ANKS1B: variants seen among roughly 807,000 people sequenced by gnomAD.
ANKS1B encodes the protein ankyrin repeat and sterile alpha motif domain containing 1B, also known as ankyrin repeat and sterile alpha motif domain-containing protein 1B.
In ANKS1B, 36 loss-of-function variants were observed where a neutral mutation model predicts 148.3. The observed-to-expected ratio is 0.24, with a 90% CI of 0.19 to 0.32. The LOEUF is 0.32. Among genes scored for constraint, ANKS1B ranks in the 10% least tolerant of loss-of-function variants. The pLI, the probability that ANKS1B is intolerant of heterozygous loss-of-function variation, is 1.00. For synonymous variants in ANKS1B, 542 were observed against 560.8 expected (o/e 0.97, Z 0.47); for missense variants, 1,157 against 1,542.6 (o/e 0.75, Z 4.19).
intron 16 of ANKS1B, among the ~76,000 whole-genome samples, chr12:99,069,491 A>G (rs1034195236): frequency 6.6e-6 from 1 of 152,230 alleles, no homozygotes; most frequent in South Asian, 2.1e-4. Flanking sequence ...CCAAGTAAAG[A>G]AGGGGTTGAG....
At chr12:99,346,265 A>C (rs2090657896) in intron 12 of ANKS1B, among the ~76,000 whole-genome samples, 1 of 151,406 alleles carries the variant, frequency 6.6e-6, no homozygotes, top group South Asian at 2.1e-4. Flanking sequence ...TTTCTTATGT[A>C]TTTTCTTGAT....
intron 12 of ANKS1B, among the ~76,000 whole-genome samples, chr12:99,375,698 A>G (rs1214471906): frequency 6.6e-6 from 1 of 152,186 alleles, no homozygotes; most frequent in Admixed American, 6.5e-5. Flanking sequence ...CCTAAATACA[A>G]TAATTTCTAA....
intron 9 of ANKS1B, 122 bp from the exon 10 acceptor site, chr12:99,504,763 T>G: frequency 1.5e-6 from 1 of 687,312 alleles, no homozygotes; most frequent in Middle Eastern, 4.2e-4. Context: ...AGCTGATGAT[T>G]CATCTGTTTG....
intron 9 of ANKS1B, among the ~76,000 whole-genome samples, chr12:99,609,812 A>G (rs572063173): frequency 1.3e-5 from 2 of 152,234 alleles, no homozygotes; most frequent in Non-Finnish European, 2.9e-5. Context: ...TCACAATCCA[A>G]ACAAATGATT....
chr12:98,740,113 A>G (rs1565915192), downstream of ANKS1B, among the ~76,000 whole-genome samples: 1 of 152,328 alleles, frequency 6.6e-6, no homozygotes. Flanking sequence ...TGCTGGGGCC[A>G]GTAGCTTGGG....
At chr12:99,898,532 T>C (rs553687508) in intron 1 of ANKS1B, among the ~76,000 whole-genome samples, 47 of 152,164 alleles carry the variant, frequency 3.1e-4, no homozygotes, top group Non-Finnish European at 4.0e-4. Flanking sequence ...TCCTGTGTCT[T>C]TGGTTTAAAA....
intron 9 of ANKS1B, among the ~76,000 whole-genome samples, chr12:99,628,715 A>G (rs78497519): frequency 1.9e-3 from 286 of 152,274 alleles, no homozygotes; most frequent in African/African-American, 6.6e-3. Context: ...AGGGGTCCCA[A>G]TCTTGTGAGG....
At chr12:99,052,127 T>C (rs989761176) in intron 17 of ANKS1B, among the ~76,000 whole-genome samples, 1 of 152,136 alleles carries the variant, frequency 6.6e-6, no homozygotes, top group African/African-American at 2.4e-5. Context: ...TTCAAATGAA[T>C]GACCATTTTA....
intron 17 of ANKS1B, among the ~76,000 whole-genome samples, chr12:98,995,437 T>A (rs1342662522): frequency 6.6e-6 from 1 of 151,836 alleles, no homozygotes; most frequent in African/African-American, 2.4e-5. Context: ...CTAAAAAAAA[T>A]TTAAAAAATT....
rs564555011 is a variant in ANKS1B, at chr12:99,815,036, C to T, written c.216-2725G>A. Among the ~76,000 whole-genome samples the T allele has an allele frequency of 7.4e-4, 112 of 151,680 alleles. 1 individual carries two copies. Among genetic ancestry groups the T allele is most frequent in the African/African-American group, 2.7e-3 (112 of 41,444 alleles). ...AAGAGAAAAATTTCATTTCTTAATA[C>T]CTAAGGAAATAAAAAATATATTCTG... is the stretch of plus-strand genomic sequence containing the variant. On this transcript the variant is annotated intron_variant, in intron 2 of 26. Coordinates refer to ENST00000683438, the MANE Select transcript of ANKS1B (RefSeq NM_001352186.2).
intron 11 of ANKS1B, among the ~76,000 whole-genome samples, chr12:99,421,391 A>G (rs2095076298): frequency 6.6e-6 from 1 of 152,176 alleles, no homozygotes; most frequent in South Asian, 2.1e-4. Context: ...AAATTGCAGT[A>G]AGAGCTCTAA....
chr12:99,984,795 GCCCGCGCC>G lies in ANKS1B; in HGVS notation c.-566_-559del, dbSNP rs2095754562. On this transcript the variant is annotated 5_prime_UTR_variant, in exon 1 of 27. Transcript: ENST00000683438. ...CGGCGGCGGCGGCTCGTGCGCTGTG[GCCCGCGCC>G]GAGGCAGGGCGGTGGGGGGCAGCCG... is the stretch of plus-strand genomic sequence containing the variant. 2 of 147,530 alleles carry G rather than the reference GCCCGCGCC, an allele frequency of 1.4e-5. No homozygotes were observed. The highest frequency in any genetic ancestry group is 1.4e-4 in the Admixed American group (2 of 14,752). The allele number at this position is 147,530 out of a possible 1,614,324, so 9.1% of individuals were successfully genotyped here. A position where few individuals can be genotyped will look rare whatever the true frequency, so the allele number is the denominator to read the frequency against.
intron 12 of ANKS1B, among the ~76,000 whole-genome samples, chr12:99,295,728 T>C (rs2080782892): frequency 3.3e-5 from 5 of 152,134 alleles, no homozygotes; most frequent in Admixed American, 3.3e-4. Context: ...TGGTACACAT[T>C]AGTTATTTTT....
intron 14 of ANKS1B, among the ~76,000 whole-genome samples, chr12:99,194,601 T>C (rs959797910): frequency 6.6e-6 from 1 of 152,120 alleles, no homozygotes; most frequent in East Asian, 1.9e-4. Flanking sequence ...CCATTTGTGT[T>C]TTGATATTAT....
intron 12 of ANKS1B, among the ~76,000 whole-genome samples, chr12:99,353,169 TGTGG>T (rs2091621286): frequency 6.6e-6 from 1 of 152,150 alleles, no homozygotes; most frequent in Non-Finnish European, 1.5e-5. Flanking sequence ...CACAGTATGA[TGTGG>T]TCTTTAGAAT....
Position 98,935,533 on chromosome 12 carries a change from A to T in ANKS1B, c.2779-103397T>A, listed in dbSNP as rs1319945251. 2.0e-5 allele frequency among the ~76,000 whole-genome samples: 3 copies of T among 152,200 alleles called. No homozygotes were observed. The East Asian group carries it at 5.8e-4, about 29-fold the overall frequency. ...TCTTCCCTCTTCAAGTTTTTGGAAG[A>T]GTTTGAGAAAGATCGACATTAATTC... On this transcript the variant is annotated intron_variant, in intron 17 of 26. Transcript: ENST00000683438.
intron 9 of ANKS1B, among the ~76,000 whole-genome samples, chr12:99,511,782 C>T (rs541471297): frequency 1.4e-4 from 21 of 151,834 alleles, no homozygotes; most frequent in East Asian, 5.8e-4. Context: ...ATCTGATCTT[C>T]GACAAACCTG....
At chr12:99,559,643 G>A (rs140042741) in intron 9 of ANKS1B, among the ~76,000 whole-genome samples, 2 of 152,132 alleles carry the variant, frequency 1.3e-5, no homozygotes, top group African/African-American at 4.8e-5. Flanking sequence ...AATTCAATGA[G>A]GTAGGTTTTA....
chr12:99,290,168 G>T lies in ANKS1B; in HGVS notation c.1757-43304C>A, dbSNP rs983542829. On this transcript the variant is annotated intron_variant, in intron 12 of 26. Transcript: ENST00000683438. The stretch of plus-strand genomic sequence containing the variant: ...TGCCAATAAATTGAAAAATCTAGAA[G>T]AAATGGATAAATGATTATACACAGA... Among the ~76,000 whole-genome samples the T allele has an allele frequency of 2.7e-5, 4 of 150,604 alleles. No homozygotes were observed. In the Admixed American group the frequency reaches 2.7e-4, roughly 10 times the overall value.
Sources: allele counts gnomAD v4.1 joint callset (sites outside exome capture counted in the v4.1 genomes callset), GRCh38; gene constraint gnomAD v4.1.1; transcripts MANE v1.5; gene names NCBI Gene and HGNC (gene_info 2026-07-23, HGNC 2026-07-21).